CHD9: variants seen among roughly 807,000 people sequenced by gnomAD.
The protein encoded by CHD9 is ATP-dependent chromatin remodeler CHD9.
CHD9 carries 77 observed loss-of-function variants against 316.1 expected under a neutral mutation model. That is an observed-to-expected ratio of 0.24 (90% CI 0.20 to 0.29). The LOEUF is 0.29. CHD9 is among the 10% of genes least tolerant of loss of function. The pLI, the probability that CHD9 is intolerant of heterozygous loss-of-function variation, is 1.00. For missense variants in CHD9, 2,763 were observed against 3,438.1 expected (o/e 0.80, Z 4.91); for synonymous variants, 1,129 against 1,158.3 (o/e 0.97, Z 0.51).
chr16:53,272,881 G>C (rs564262050), intron 22 of CHD9, among the ~76,000 whole-genome samples: 1 of 152,218 alleles, frequency 6.6e-6, no homozygotes, highest in South Asian at 2.1e-4. Context: ...AAAAAACTAA[G>C]TGTTTGTGAC....
At chr16:53,105,240 T>TC (rs1182114580) in intron 1 of CHD9, among the ~76,000 whole-genome samples, 3 of 152,092 alleles carry the variant, frequency 2.0e-5, no homozygotes, top group African/African-American at 7.2e-5. Context: ...CCAAACCCTG[T>TC]CCCCCCAGTA....
At position 53,106,189 on chromosome 16, in the gene CHD9, G is replaced by A. The variant is rs921146566; in HGVS notation, c.-164-49737G>A. On this transcript the variant is annotated intron_variant, in intron 1 of 38. Transcript: ENST00000447540. ...GTTTCTCATTATTCTCCTTTGCATC[G>A]TCTCTGCTCAGCACATTGGTCAGTT... Among the ~76,000 whole-genome samples the A allele has an allele frequency of 9.9e-5, 15 of 152,168 alleles. 1 individual carries two copies. In the East Asian group the frequency reaches 1.2e-3, roughly 12 times the overall value.
At position 53,254,422 on chromosome 16, in the gene CHD9, CT is replaced by C; in HGVS notation, c.3862-12del. ...TTTGAGAAACTAATTAAATATGTAA[CT>C]TTTCATTTTTATAGGCCCAAGCTCG... On this transcript the variant is annotated splice_polypyrimidine_tract_variant and intron_variant, in intron 17 of 38. Transcript: ENST00000447540. The C allele has an allele frequency of 6.6e-7, 1 of 1,523,676 alleles. No individual in the cohort carries two copies. Among genetic ancestry groups the C allele is most frequent in the Non-Finnish European group, 8.9e-7 (1 of 1,129,178 alleles). 94.4% of individuals were successfully genotyped at this position (1,523,676 alleles called of 1,614,324 possible).
At chr16:53,148,426 A>G (rs1490855314) in intron 1 of CHD9, among the ~76,000 whole-genome samples, 1 of 152,070 alleles carries the variant, frequency 6.6e-6, no homozygotes, top group Non-Finnish European at 1.5e-5. Flanking sequence ...TTGAGGAACC[A>G]CCACACTATT....
intron 1 of CHD9, among the ~76,000 whole-genome samples, chr16:53,060,491 C>T (rs531132120): frequency 6.6e-6 from 1 of 152,140 alleles, no homozygotes; most frequent in South Asian, 2.1e-4. Flanking sequence ...GGATTGGTGG[C>T]TCACACCTGT....
chr16:53,320,906 T>C (rs1365907913), intron 37 of CHD9, among the ~76,000 whole-genome samples: 2 of 152,200 alleles, frequency 1.3e-5, no homozygotes, highest in Non-Finnish European at 2.9e-5. Flanking sequence ...CTCTAACATG[T>C]ACTAGCTAAC....
chr16:53,124,080 A>G (rs1448376407), intron 1 of CHD9, among the ~76,000 whole-genome samples: 2 of 152,138 alleles, frequency 1.3e-5, no homozygotes, highest in Non-Finnish European at 2.9e-5. Context: ...AAGTTTTTGT[A>G]TGGACATATG....
intron 1 of CHD9, among the ~76,000 whole-genome samples, chr16:53,076,241 A>T (rs1596891100): frequency 6.6e-6 from 1 of 152,154 alleles, no homozygotes; most frequent in East Asian, 1.9e-4. Flanking sequence ...TTATGAACAC[A>T]TTAAAAAATT....
intron 2 of CHD9, among the ~76,000 whole-genome samples, chr16:53,183,096 A>G (rs1567437321): frequency 6.6e-6 from 1 of 152,242 alleles, no homozygotes. Context: ...CAGCTTCTAT[A>G]CTAACACTTG....
chr16:53,249,289 A>T (rs755111591), intron 16 of CHD9, among the ~76,000 whole-genome samples: 2 of 152,166 alleles, frequency 1.3e-5, no homozygotes, highest in Admixed American at 6.5e-5. Flanking sequence ...CCAAGCTCCT[A>T]AATTTTTATG....
At chr16:53,164,456 G>A (rs926735153) in intron 2 of CHD9, among the ~76,000 whole-genome samples, 11 of 152,006 alleles carry the variant, frequency 7.2e-5, no homozygotes, top group Non-Finnish European at 1.6e-4. Flanking sequence ...GTGTGCACCT[G>A]TAGTCCTAGC....
At chr16:53,252,572 A>G (rs1168212694) in intron 17 of CHD9, among the ~76,000 whole-genome samples, 2 of 152,164 alleles carry the variant, frequency 1.3e-5, no homozygotes, top group Admixed American at 1.3e-4. Context: ...TAAACTAAAG[A>G]GCTTTTGCAT....
chr16:53,221,838 A>G (rs1301020515), intron 3 of CHD9, among the ~76,000 whole-genome samples: 2 of 152,184 alleles, frequency 1.3e-5, no homozygotes, highest in East Asian at 3.8e-4. Flanking sequence ...ACTGTAGAGC[A>G]GAAGGAAGTA....
intron 2 of CHD9, among the ~76,000 whole-genome samples, chr16:53,181,943 G>GGTGGTGC (rs1270744778): frequency 2.1e-4 from 32 of 152,116 alleles, no homozygotes; most frequent in Non-Finnish European, 4.1e-4. Flanking sequence ...AGCCAGGCAT[G>GGTGGTGC]GTGGTGCATG....
chr16:53,244,717 G>A (rs2049416399), intron 13 of CHD9, among the ~76,000 whole-genome samples: 1 of 152,000 alleles, frequency 6.6e-6, no homozygotes, highest in African/African-American at 2.4e-5. Context: ...AATTTTTAAA[G>A]GCACGAATAG....
chr16:53,078,511 A>C (rs2034743958), intron 1 of CHD9, among the ~76,000 whole-genome samples: 1 of 152,132 alleles, frequency 6.6e-6, no homozygotes, highest in Non-Finnish European at 1.5e-5. Context: ...AGCCAAATAC[A>C]TTTCTGTTCA....
chr16:53,093,289 A>G (rs1175034136), intron 1 of CHD9, among the ~76,000 whole-genome samples: 1 of 152,216 alleles, frequency 6.6e-6, no homozygotes, highest in Non-Finnish European at 1.5e-5. Context: ...TCTGAATCGC[A>G]TTAACTCATC....
At chr16:53,112,305 C>G (rs2037927614) in intron 1 of CHD9, among the ~76,000 whole-genome samples, 1 of 152,144 alleles carries the variant, frequency 6.6e-6, no homozygotes, top group African/African-American at 2.4e-5. Flanking sequence ...CCTTCCATGC[C>G]CTGGGTTGTT....
chr16:53,083,851 A>G (rs527425451), intron 1 of CHD9, among the ~76,000 whole-genome samples: 1 of 152,130 alleles, frequency 6.6e-6, no homozygotes, highest in East Asian at 1.9e-4. Flanking sequence ...CATGGCCTCA[A>G]GCGATCCTCC....
Sources: gnomAD v4.1 joint callset for allele counts (sites outside exome capture counted in the v4.1 genomes callset) on GRCh38, gnomAD v4.1.1 for gene constraint, MANE v1.5 for transcripts, NCBI Gene and HGNC (gene_info 2026-07-23, HGNC 2026-07-21) for gene names.